The following SGCZ variants were observed in gnomAD, a reference collection of about 807,000 sequenced individuals.
SGCZ encodes the protein sarcoglycan zeta, also known as zeta-sarcoglycan.
Under a neutral mutation model 41.3 loss-of-function variants are expected in SGCZ, and 40 were observed. That is an observed-to-expected ratio of 0.97 (90% confidence interval 0.75 to 1.26). The LOEUF is 1.26. Among genes scored for constraint, SGCZ ranks in the 50% most tolerant of loss-of-function variants. The probability of loss-of-function intolerance (pLI) is 0.00; values close to 1 mark genes in which losing one functional copy is unlikely to be tolerated. For synonymous variants in SGCZ, 206 were observed against 137.5 expected, an observed-to-expected ratio of 1.50 and a Z score of -3.49; for missense variants, 552 against 369.8, an observed-to-expected ratio of 1.49 and a Z score of -4.04.
chr8:14,787,545 T>A, intron 1 of SGCZ, among the ~76,000 whole-genome samples: 1 of 152,026 alleles, frequency 6.6e-6, no homozygotes, highest in East Asian at 1.9e-4. Context: ...TTTATCCTAA[T>A]TAAGAAGGAA....
intron 1 of SGCZ, among the ~76,000 whole-genome samples, chr8:14,889,291 C>G (rs1804922344): frequency 7.0e-6 from 1 of 142,774 alleles, no homozygotes; most frequent in African/African-American, 2.6e-5. Flanking sequence ...GGAAGACTGA[C>G]CAAAAAAAAA....
At chr8:14,320,088 G>T (rs1801864691) in intron 3 of SGCZ, among the ~76,000 whole-genome samples, 1 of 151,608 alleles carries the variant, frequency 6.6e-6, no homozygotes, top group Non-Finnish European at 1.5e-5. Flanking sequence ...CCGGTGATAT[G>T]TTCATGAAAT....
At chr8:15,162,386 T>C (rs541169358) in intron 1 of SGCZ, among the ~76,000 whole-genome samples, 77 of 152,274 alleles carry the variant, frequency 5.1e-4, no homozygotes, top group Non-Finnish European at 9.3e-4. Flanking sequence ...AGAATGGCAT[T>C]TAAATTTTAG....
At chr8:14,735,990 G>A (rs1240115108) in intron 1 of SGCZ, among the ~76,000 whole-genome samples, 1 of 152,068 alleles carries the variant, frequency 6.6e-6, no homozygotes, top group Non-Finnish European at 1.5e-5. Flanking sequence ...AAGTGTAAAT[G>A]AGTATGGAGA....
chr8:14,151,714 T>C (rs541776493), intron 5 of SGCZ, among the ~76,000 whole-genome samples: 2 of 152,244 alleles, frequency 1.3e-5, no homozygotes, highest in South Asian at 2.1e-4. Context: ...TAAAGGTCTA[T>C]TATGTGGCTA....
chr8:14,682,104 C>G (rs1162817098), intron 1 of SGCZ, among the ~76,000 whole-genome samples: 2 of 151,978 alleles, frequency 1.3e-5, no homozygotes, highest in Admixed American at 6.6e-5. Context: ...GGGGCATAAT[C>G]TATTATGTAG....
chr8:15,090,180 C>G (rs1422333057), intron 1 of SGCZ, among the ~76,000 whole-genome samples: 1 of 152,118 alleles, frequency 6.6e-6, no homozygotes, highest in East Asian at 1.9e-4. Context: ...TCATGACATC[C>G]ACAAGAAGCA....
At chr8:15,035,934 C>A (rs1163319171) in intron 1 of SGCZ, among the ~76,000 whole-genome samples, 1 of 151,600 alleles carries the variant, frequency 6.6e-6, no homozygotes, top group African/African-American at 2.4e-5. Context: ...ATTACTCAAA[C>A]AGAAAATCAA....
chr8:15,120,432 C>T (rs996614279), intron 1 of SGCZ, among the ~76,000 whole-genome samples: 3 of 152,192 alleles, frequency 2.0e-5, no homozygotes, highest in Middle Eastern at 3.4e-3. Flanking sequence ...ACTATTTCAA[C>T]TAGATTTATT....
chr8:14,163,017 C>T (rs1804093706), intron 5 of SGCZ, among the ~76,000 whole-genome samples: 1 of 152,158 alleles, frequency 6.6e-6, no homozygotes, highest in African/African-American at 2.4e-5. Context: ...ACTATGGACA[C>T]ACACCTTCAT....
intron 1 of SGCZ, among the ~76,000 whole-genome samples, chr8:14,884,967 C>G: frequency 6.6e-6 from 1 of 151,990 alleles, no homozygotes; most frequent in East Asian, 1.9e-4. Context: ...TTCTTCATTC[C>G]AGAAAAAATC....
intron 3 of SGCZ, among the ~76,000 whole-genome samples, chr8:14,254,442 G>A (rs1442587699): frequency 3.3e-5 from 5 of 152,200 alleles, no homozygotes; most frequent in Non-Finnish European, 5.9e-5. Context: ...GGGGCCAGGT[G>A]TAGGTAGAGC....
intron 1 of SGCZ, among the ~76,000 whole-genome samples, chr8:14,559,058 G>C (rs563579774): frequency 6.6e-6 from 1 of 152,148 alleles, no homozygotes; most frequent in South Asian, 2.1e-4. Context: ...CATTCTCTCT[G>C]AGAACTGGAA....
intron 2 of SGCZ, among the ~76,000 whole-genome samples, chr8:14,330,377 A>T (rs1421092635): frequency 6.6e-6 from 1 of 152,134 alleles, no homozygotes; most frequent in Non-Finnish European, 1.5e-5. Context: ...TGAAGATCAC[A>T]ATTACTAAAA....
intron 1 of SGCZ, among the ~76,000 whole-genome samples, chr8:14,859,726 T>A (rs1803656854): frequency 6.6e-6 from 1 of 152,190 alleles, no homozygotes; most frequent in Admixed American, 6.6e-5. Context: ...GCAATGATTT[T>A]ATAAATTCAT....
At chr8:14,393,625 T>C (rs1296810382) in intron 2 of SGCZ, among the ~76,000 whole-genome samples, 2 of 151,788 alleles carry the variant, frequency 1.3e-5, no homozygotes, top group Non-Finnish European at 2.9e-5. Flanking sequence ...CTGAGAGACC[T>C]TTTTCTCCAT....
intron 1 of SGCZ, among the ~76,000 whole-genome samples, chr8:15,161,754 G>T (rs1036855559): frequency 1.3e-5 from 2 of 152,160 alleles, no homozygotes; most frequent in African/African-American, 4.8e-5. Flanking sequence ...TTAAAAAGAG[G>T]CTGGGTGCCG....
rs545040870 is a variant in SGCZ at position 15,210,161 on chromosome 8, A to G, written c.39+27424T>C. 4.6e-5 allele frequency among the ~76,000 whole-genome samples: 7 copies of G among 152,332 alleles called. No individual in the cohort carries two copies. The South Asian group carries it at 1.0e-3, about 23-fold the overall frequency. On this transcript the variant is annotated intron_variant, in intron 1 of 7. Transcript: ENST00000382080. ...GGAAAGGATTTCTTTTCAGAAAGGT[A>G]GAAAGAATTAGAATCCTACCATCAT... is the stretch of plus-strand genomic sequence containing the variant.
intron 1 of SGCZ, among the ~76,000 whole-genome samples, chr8:14,769,793 T>TA (rs565416806): frequency 0.018 from 947 of 52,128 alleles, 22 homozygotes; most frequent in African/African-American, 0.037. Flanking sequence ...AAAACACCAT[T>TA]AAAAAAAAAA....
Sources: allele counts gnomAD v4.1 joint callset (sites outside exome capture counted in the v4.1 genomes callset), GRCh38; gene constraint gnomAD v4.1.1; transcripts MANE v1.5; gene names NCBI Gene and HGNC (gene_info 2026-07-23, HGNC 2026-07-21).